The following NR2C2 variants were observed in gnomAD, a reference collection of about 807,000 sequenced individuals.
NR2C2 encodes the protein nuclear receptor subfamily 2 group C member 2, also known as Nuclear hormone receptor TR4.
NR2C2 carries 6 observed loss-of-function variants against 62.9 expected under a neutral mutation model. The observed-to-expected ratio is 0.10, with a 90% CI of 0.05 to 0.19. NR2C2 has a LOEUF of 0.19. Among genes scored for constraint, NR2C2 ranks in the 10% least tolerant of loss-of-function variants. The pLI is 1.00. For synonymous variants in NR2C2, 272 were observed against 273.8 expected (o/e 0.99, Z 0.07); for missense variants, 479 against 762.7 (o/e 0.63, Z 4.38).
chr3:15,030,733 C>CA (rs2125059648), intron 9 of NR2C2, among the ~76,000 whole-genome samples: 1 of 152,256 alleles, frequency 6.6e-6, no homozygotes, highest in East Asian at 1.9e-4. Context: ...GAGGCTGAGG[C>CA]ATGAGAATCA....
At chr3:14,987,024 A>G (rs950372084) in intron 1 of NR2C2, among the ~76,000 whole-genome samples, 2 of 152,294 alleles carry the variant, frequency 1.3e-5, no homozygotes, top group Admixed American at 6.5e-5. Flanking sequence ...TTTATACCTC[A>G]TTTTACCAAG....
intron 1 of NR2C2, among the ~76,000 whole-genome samples, chr3:14,997,252 C>G (rs1444451526): frequency 6.6e-6 from 1 of 152,186 alleles, no homozygotes; most frequent in Non-Finnish European, 1.5e-5. Flanking sequence ...TAGGCCATAC[C>G]ACATAGCCTA....
At chr3:15,015,042 C>G (rs1212598822) in intron 3 of NR2C2, among the ~76,000 whole-genome samples, 2 of 152,208 alleles carry the variant, frequency 1.3e-5, no homozygotes, top group African/African-American at 4.8e-5. Context: ...TTCTTTTAGA[C>G]ACCTTACGCT....
intron 1 of NR2C2, among the ~76,000 whole-genome samples, chr3:15,002,049 CCTTT>C (rs1450143896): frequency 6.6e-6 from 1 of 152,114 alleles, no homozygotes; most frequent in Non-Finnish European, 1.5e-5. Flanking sequence ...TAGTTTTCTT[CCTTT>C]CTATTCTGAA....
chr3:15,008,323 A>G (rs1002122490), intron 2 of NR2C2, among the ~76,000 whole-genome samples: 11 of 151,318 alleles, frequency 7.3e-5, no homozygotes, highest in African/African-American at 2.7e-4. Flanking sequence ...GGAGTTCAAG[A>G]CCAGCCTGGG....
intron 1 of NR2C2, among the ~76,000 whole-genome samples, chr3:14,969,359 T>C (rs1442561337): frequency 6.6e-6 from 1 of 151,684 alleles, no homozygotes; most frequent in African/African-American, 2.4e-5. Context: ...TTTCCCGCCT[T>C]AGCCTCCCGA....
At chr3:14,996,426 G>A (rs2124880822) in intron 1 of NR2C2, among the ~76,000 whole-genome samples, 1 of 152,282 alleles carries the variant, frequency 6.6e-6, no homozygotes, top group South Asian at 2.1e-4. Flanking sequence ...TCAGGTTTGT[G>A]ACAGTATCAG....
intron 4 of NR2C2, among the ~76,000 whole-genome samples, chr3:15,020,351 CAG>C (rs1455336035): frequency 5.3e-5 from 8 of 152,336 alleles, no homozygotes; most frequent in Admixed American, 1.3e-4. Flanking sequence ...CGTGGCAGGA[CAG>C]GGGCCCTGAG....
At chr3:14,983,981 C>T (rs947413153) in intron 1 of NR2C2, among the ~76,000 whole-genome samples, 22 of 152,224 alleles carry the variant, frequency 1.4e-4, no homozygotes, top group African/African-American at 3.9e-4. Context: ...CTCCACCTCC[C>T]GGGTTCAAGC....
At position 15,003,863 on chromosome 3, in the gene NR2C2, T is replaced by C; in HGVS notation, c.-39-13T>C. 6.3e-7 allele frequency: 1 copy of C among 1,579,054 alleles called. No homozygotes were observed. The highest frequency in any genetic ancestry group is 8.7e-7 in the Non-Finnish European group (1 of 1,148,500). On this transcript the variant is annotated splice_polypyrimidine_tract_variant and intron_variant, in intron 1 of 13. Coordinates refer to ENST00000425241, the MANE Select transcript of NR2C2 (RefSeq NM_001291694.2). ...TGAACCCCCTTGTGATCCAGCCCAC[T>C]TCTCACCCACAGGTAACACGTACAC...
intron 8 of NR2C2, among the ~76,000 whole-genome samples, 196 bp from the exon 9 acceptor site, chr3:15,030,079 C>G (rs1312699651): frequency 1.3e-5 from 2 of 152,136 alleles, no homozygotes; most frequent in African/African-American, 4.8e-5. Flanking sequence ...AATCCCAGCA[C>G]TTTGAGAGGC....
At position 15,020,943 on chromosome 3, in the gene NR2C2, A is replaced by T; in HGVS notation, c.556+11A>T. On this transcript the variant is annotated intron_variant, in intron 5 of 13. Transcript: ENST00000425241. ...GCATGAAAATGGAATGTGAGTAACA[A>T]TATTTAAAAACCACATGAGTTAATG... 1 of 1,612,426 alleles carries T rather than the reference A, an allele frequency of 6.2e-7. No individual in the cohort carries two copies. The highest frequency in any genetic ancestry group is 8.5e-7 in the Non-Finnish European group (1 of 1,178,594).
chr3:15,042,680 G>A, intron 13 of NR2C2, 154 bp from the exon 14 acceptor site: 3 of 627,950 alleles, frequency 4.8e-6, no homozygotes, highest in South Asian at 4.7e-5. Context: ...ATTTCTATAA[G>A]AGGAACTGTT....
intron 2 of NR2C2, among the ~76,000 whole-genome samples, chr3:15,011,577 G>A (rs1038275981): frequency 7.2e-5 from 11 of 152,056 alleles, no homozygotes; most frequent in African/African-American, 1.2e-4. Context: ...GGGGGACTCC[G>A]GGCATGCCAC....
At chr3:15,023,639 T>A (rs1347935765) in intron 6 of NR2C2, among the ~76,000 whole-genome samples, 1 of 152,226 alleles carries the variant, frequency 6.6e-6, no homozygotes, top group East Asian at 1.9e-4. Context: ...ATTGGGGCAT[T>A]TCTGCAGTAC....
chr3:15,002,289 T>G (rs2041030327), intron 1 of NR2C2, among the ~76,000 whole-genome samples: 1 of 152,196 alleles, frequency 6.6e-6, no homozygotes, highest in Non-Finnish European at 1.5e-5. Context: ...TCATGAAATG[T>G]TGTTAGATTT....
At chr3:14,966,695 T>G in intron 1 of NR2C2, among the ~76,000 whole-genome samples, 1 of 152,230 alleles carries the variant, frequency 6.6e-6, no homozygotes, top group East Asian at 1.9e-4. Context: ...AGAGTACCCA[T>G]TCAGCTTTTT....
At chr3:14,982,773 T>C (rs1052378028) in intron 1 of NR2C2, among the ~76,000 whole-genome samples, 8 of 152,202 alleles carry the variant, frequency 5.3e-5, no homozygotes, top group African/African-American at 1.9e-4. Flanking sequence ...TCTTGACTTA[T>C]TCTGGCAGAG....
At chr3:15,041,246 ATCC>A (rs2042255300) in intron 13 of NR2C2, among the ~76,000 whole-genome samples, 2 of 151,968 alleles carry the variant, frequency 1.3e-5, no homozygotes, top group African/African-American at 4.8e-5. Context: ...ACTCTTCCCC[ATCC>A]TTGTGCCTTT....
Sources: allele counts gnomAD v4.1 joint callset (sites outside exome capture counted in the v4.1 genomes callset), GRCh38; gene constraint gnomAD v4.1.1; transcripts MANE v1.5; gene names NCBI Gene and HGNC (gene_info 2026-07-23, HGNC 2026-07-21).